The following FMO5 variants were observed in gnomAD, a reference collection of about 807,000 sequenced individuals.
FMO5 encodes flavin-containing monooxygenase 5.
FMO5 carries 51 observed loss-of-function variants against 43.6 expected under a neutral mutation model. That is an observed-to-expected ratio of 1.17 (90% CI 0.93 to 1.48). The LOEUF is 1.48. Among genes scored for constraint, FMO5 ranks in the 40% most tolerant of loss-of-function variants. FMO5 has a pLI of 0.00. For missense variants in FMO5, 644 were observed against 643.0 expected (o/e 1.00, Z -0.02); for synonymous variants, 187 against 216.5 (o/e 0.86, Z 1.20).
Position 147,201,249 on chromosome 1 carries a change from T to C in FMO5, c.1086A>G (p.Glu362=). 1 of 1,614,194 alleles carries C rather than the reference T, an allele frequency of 6.2e-7. No homozygotes were observed. The highest frequency in any genetic ancestry group is 8.5e-7 in the Non-Finnish European group (1 of 1,180,028). The change falls in exon 7 of 9, where the codon GAA becomes GAG. Residue 362 remains glutamate (E), a synonymous_variant. Coordinates refer to ENST00000254090, the MANE Select transcript of FMO5 (RefSeq NM_001461.4). The stretch of plus-strand genomic sequence containing the variant: ...AGCCTATGATTGCAAGAGTTGGCCT[T>C]TCCAGGTTAGGAGGGAAGACCTTTT... The part of the protein sequence containing the change: ...LYKKVFPPNL[E]RPTLAIIGLI...
At chr1:147,203,928 A>T in intron 6 of FMO5, 1 of 1,463,530 alleles carries the variant, frequency 6.8e-7, no homozygotes, top group South Asian at 1.1e-5. Flanking sequence ...GGAGGTGTCA[A>T]TCTAGGAAGA....
intron 7 of FMO5, among the ~76,000 whole-genome samples, chr1:147,196,496 A>G (rs1553919858): frequency 1.3e-5 from 2 of 152,028 alleles, no homozygotes; most frequent in East Asian, 3.9e-4. Flanking sequence ...GAAAGAAAAA[A>G]ACAACAAAAA....
chr1:147,211,123 G>T (rs1351450733), intron 5 of FMO5: 1 of 152,104 alleles, frequency 6.6e-6, no homozygotes, highest in Non-Finnish European at 1.5e-5. Context: ...GTTTTCCTTT[G>T]CATTTTCCCA....
At chr1:147,203,892 C>T (rs986716960) in intron 6 of FMO5, 16 of 1,575,428 alleles carry the variant, frequency 1.0e-5, no homozygotes, top group Admixed American at 1.0e-4. Flanking sequence ...TAAACACTGT[C>T]TCAGTGTCCC....
In FMO5 at chr1:147,213,409, A is replaced by G; in HGVS notation, c.386T>C (p.Val129Ala). 6.2e-7 allele frequency: 1 copy of G among 1,613,550 alleles called. No individual in the cohort carries two copies. The highest frequency in any genetic ancestry group is 8.5e-7 in the Non-Finnish European group (1 of 1,179,750). ...CTCCTTTTTCCCTTCAGATTCAGTG[A>G]CCACTTCCCATTGGCCTGAAGTGGC... is the stretch of plus-strand genomic sequence containing the variant. Reference protein sequence around the residue: ...DFATSGQWEVVTESEGKKEMN... With the variant: ...DFATSGQWEVATESEGKKEMN... Residue 129 changes from valine (V) to alanine (A), a missense_variant, in exon 4 of 9, where the codon GTC becomes GCC. Transcript: ENST00000254090.
At position 147,213,219 on chromosome 1, in the gene FMO5, A is replaced by G. The variant is rs891493275; in HGVS notation, c.487+89T>C. 22 of 1,055,162 alleles carry G rather than the reference A, an allele frequency of 2.1e-5. No homozygotes were observed. The African/African-American group carries it at 3.6e-4, about 17-fold the overall frequency. 65.4% of individuals were successfully genotyped at this position (1,055,162 alleles called of 1,614,324 possible). On this transcript the variant is annotated intron_variant, in intron 4 of 8. Coordinates refer to ENST00000254090, the MANE Select transcript of FMO5 (RefSeq NM_001461.4). ...GATAAGTCTTACTTCATTCCAAAGT[A>G]GGAATTACTCAGACCACAATCCTCC...
chr1:147,205,594 C>T (rs192598380), intron 6 of FMO5, among the ~76,000 whole-genome samples: 43 of 152,086 alleles, frequency 2.8e-4, no homozygotes, highest in African/African-American at 8.9e-4. Flanking sequence ...CAGAACAGAG[C>T]CCTCAGAAAT....
intron 6 of FMO5, 58 bp downstream of exon 6, chr1:147,208,794 A>T (rs782261764): frequency 7.0e-7 from 1 of 1,423,746 alleles, no homozygotes; most frequent in South Asian, 1.2e-5. Context: ...GCCAGTGTGA[A>T]GAGTCCTTAT....
intron 6 of FMO5, among the ~76,000 whole-genome samples, chr1:147,202,256 C>G (rs1659105500): frequency 6.8e-6 from 1 of 147,258 alleles, no homozygotes; most frequent in South Asian, 2.2e-4. Context: ...TTTGCCATTA[C>G]TTTTAATAAT....
chr1:147,186,810 A>G lies in FMO5; in HGVS notation c.*90T>C. On this transcript the variant is annotated 3_prime_UTR_variant, in exon 9 of 9. Coordinates refer to ENST00000254090, the MANE Select transcript of FMO5 (RefSeq NM_001461.4). ...GAGACATTAAAGTAGATTTCTGGGCAATATGAAACTGAGAGTCAATCTCGT... is the reference window on the plus strand; with the variant it reads ...GAGACATTAAAGTAGATTTCTGGGCGATATGAAACTGAGAGTCAATCTCGT... 6.6e-7 allele frequency: 1 copy of G among 1,512,924 alleles called. No homozygotes were observed. Among genetic ancestry groups the G allele is most frequent in the Non-Finnish European group, 8.8e-7 (1 of 1,136,212 alleles). The allele number at this position is 1,512,924 out of a possible 1,614,324, so 93.7% of individuals were successfully genotyped here.
chr1:147,190,276 T>G (rs1553918177), intron 7 of FMO5, 27 bp from the exon 8 acceptor site: 2 of 1,366,834 alleles, frequency 1.5e-6, no homozygotes, highest in Non-Finnish European at 2.1e-6. Flanking sequence ...ACATTTTAAC[T>G]GTAAAATTAC....
At chr1:147,204,097 T>C in intron 6 of FMO5, 1 of 1,070,220 alleles carries the variant, frequency 9.3e-7, no homozygotes, top group Non-Finnish European at 1.5e-6. Flanking sequence ...TAGCTTTGAC[T>C]TATGCATCCA....
chr1:147,206,085 C>T (rs1416463160), intron 6 of FMO5, among the ~76,000 whole-genome samples: 1 of 150,696 alleles, frequency 6.6e-6, no homozygotes, highest in Non-Finnish European at 1.5e-5. Context: ...AAACAAACAA[C>T]CCCATCAAAA....
downstream of FMO5, chr1:147,184,600 G>C (rs142231929): frequency 1.2e-5 from 18 of 1,547,954 alleles, no homozygotes; most frequent in East Asian, 1.5e-4. The surrounding 1 kb of genome is among the most constrained non-coding windows in gnomAD (Gnocchi z 4.4). Context: ...TCTTCAACTT[G>C]GGTTTGTCTG....
intron 2 of FMO5, among the ~76,000 whole-genome samples, chr1:147,216,966 C>T (rs1553925173): frequency 6.6e-6 from 1 of 152,174 alleles, no homozygotes; most frequent in Non-Finnish European, 1.5e-5. Flanking sequence ...TGAGGCCGGG[C>T]GTGGTGGCTC....
chr1:147,221,000 G>A (rs587683837), intron 2 of FMO5, among the ~76,000 whole-genome samples: 15 of 149,956 alleles, frequency 1.0e-4, no homozygotes, highest in African/African-American at 3.4e-4. Context: ...TTGATGGGAG[G>A]TGAGGAGAAT....
intron 2 of FMO5, among the ~76,000 whole-genome samples, chr1:147,220,576 G>A (rs2102056936): frequency 6.6e-6 from 1 of 152,342 alleles, no homozygotes. Flanking sequence ...CAACTTTACA[G>A]TGTGGCAAAA....
chr1:147,212,334 TC>T, intron 5 of FMO5, 58 bp downstream of exon 5: 1 of 1,580,238 alleles, frequency 6.3e-7, no homozygotes, highest in Non-Finnish European at 8.7e-7. Context: ...ACCTGCAGCT[TC>T]CTTGGAGAAA....
At chr1:147,191,197 C>T (rs753069778) in intron 7 of FMO5, among the ~76,000 whole-genome samples, 7 of 152,090 alleles carry the variant, frequency 4.6e-5, no homozygotes, top group Non-Finnish European at 1.0e-4. Context: ...GGGTATATAC[C>T]CAGTAATGGG....
Sources: gnomAD v4.1 joint callset for allele counts (sites outside exome capture counted in the v4.1 genomes callset) on GRCh38, gnomAD v4.1.1 for gene constraint, Gnocchi (gnomAD v3.1) non-coding constraint, MANE v1.5 for transcripts, NCBI Gene and HGNC (gene_info 2026-07-23, HGNC 2026-07-21) for gene names.